The following SH3BGRL2 variants were observed in gnomAD, a reference collection of about 807,000 sequenced individuals.
SH3BGRL2 encodes SH3 domain-binding glutamic acid-rich-like protein 2.
SH3BGRL2 carries 21 observed loss-of-function variants against 14.8 expected under a neutral mutation model. The observed-to-expected ratio is 1.42, with a 90% CI of 1.01 to 2.05. The LOEUF is 2.05. SH3BGRL2 is among the 30% of genes most tolerant of loss of function. The pLI is 0.00. For synonymous variants in SH3BGRL2, 50 were observed against 47.8 expected (o/e 1.05, Z -0.19); for missense variants, 147 against 130.8 (o/e 1.12, Z -0.61).
intron 2 of SH3BGRL2, among the ~76,000 whole-genome samples, chr6:79,683,597 T>C (rs550363575): frequency 3.0e-4 from 46 of 152,144 alleles, no homozygotes; most frequent in South Asian, 4.1e-4. Context: ...TACAGGCGCA[T>C]GCCACCATGC....
At chr6:79,655,523 C>A (rs1769388847) in intron 1 of SH3BGRL2, among the ~76,000 whole-genome samples, 1 of 152,052 alleles carries the variant, frequency 6.6e-6, no homozygotes, top group Non-Finnish European at 1.5e-5. Flanking sequence ...GCTATCACCA[C>A]AATTTAAGAA....
At chr6:79,637,229 T>TA (rs1768942899) in intron 1 of SH3BGRL2, among the ~76,000 whole-genome samples, 1 of 152,208 alleles carries the variant, frequency 6.6e-6, no homozygotes, top group Non-Finnish European at 1.5e-5. Context: ...AGATTTGATG[T>TA]GCTTTTAATC....
intron 1 of SH3BGRL2, among the ~76,000 whole-genome samples, chr6:79,632,937 G>A (rs919264691): frequency 6.6e-6 from 1 of 152,218 alleles, no homozygotes; most frequent in African/African-American, 2.4e-5. Flanking sequence ...TGTCCCAATA[G>A]CATTATATTG....
intron 1 of SH3BGRL2, among the ~76,000 whole-genome samples, chr6:79,656,514 A>G (rs1358316042): frequency 6.6e-6 from 1 of 152,214 alleles, no homozygotes; most frequent in Non-Finnish European, 1.5e-5. Context: ...ATCACAATAC[A>G]TAAAAGGACC....
chr6:79,681,656 A>T (rs1184093123), intron 2 of SH3BGRL2, among the ~76,000 whole-genome samples: 1 of 152,220 alleles, frequency 6.6e-6, no homozygotes. Flanking sequence ...GCCCAAGCAC[A>T]ACTAAGTATA....
At chr6:79,654,003 C>T (rs1167479830) in intron 1 of SH3BGRL2, among the ~76,000 whole-genome samples, 1 of 152,178 alleles carries the variant, frequency 6.6e-6, no homozygotes, top group Non-Finnish European at 1.5e-5. Context: ...GAAGTAAACT[C>T]CATCTCTTGG....
the SH3BGRL2 span, among the ~76,000 whole-genome samples, chr6:79,594,025 CAA>C: frequency 1.5e-5 from 2 of 134,670 alleles, no homozygotes; most frequent in East Asian, 2.3e-4. Flanking sequence ...GACTCTGTCT[CAA>C]AAAAAAAAAA....
chr6:79,579,522 AC>A, the SH3BGRL2 span, among the ~76,000 whole-genome samples: 2 of 152,340 alleles, frequency 1.3e-5, no homozygotes, highest in Non-Finnish European at 2.9e-5. Flanking sequence ...AGAATTTTCA[AC>A]CCAGAATTTC....
At chr6:79,614,094 T>C in the SH3BGRL2 span, among the ~76,000 whole-genome samples, 34 of 152,132 alleles carry the variant, frequency 2.2e-4, no homozygotes, top group African/African-American at 7.9e-4. Context: ...GTCCCTGTAG[T>C]GAGAGAGGAG....
At chr6:79,686,792 C>A (rs1770106572) in intron 2 of SH3BGRL2, among the ~76,000 whole-genome samples, 2 of 152,184 alleles carry the variant, frequency 1.3e-5, no homozygotes, top group East Asian at 1.9e-4. Flanking sequence ...AACTCACAGA[C>A]CTGCTTTCCT....
chr6:79,589,207 T>TA, the SH3BGRL2 span, among the ~76,000 whole-genome samples: 40,051 of 104,108 alleles, frequency 0.38, 5,633 homozygotes, highest in Middle Eastern at 0.57. Flanking sequence ...TATATATATA[T>TA]TTTTTTTTTT....
the SH3BGRL2 span, among the ~76,000 whole-genome samples, chr6:79,586,359 T>C: frequency 6.7e-6 from 1 of 149,970 alleles, no homozygotes; most frequent in African/African-American, 2.4e-5. Flanking sequence ...GAAACACCTC[T>C]GCTCTAAAGA....
intron 1 of SH3BGRL2, among the ~76,000 whole-genome samples, chr6:79,640,670 G>C (rs1158312246): frequency 1.3e-5 from 2 of 151,720 alleles, no homozygotes; most frequent in Non-Finnish European, 1.5e-5. Context: ...TATCCGGCAG[G>C]GTGTGTCTGC....
the SH3BGRL2 span, among the ~76,000 whole-genome samples, chr6:79,557,700 C>A: frequency 6.6e-6 from 1 of 152,148 alleles, no homozygotes; most frequent in Non-Finnish European, 1.5e-5. Context: ...GTAGTGAATA[C>A]GCTTGTTAGG....
In SH3BGRL2 at chr6:79,696,514, A is replaced by G. The variant is rs770153687; in HGVS notation, c.261A>G (p.Glu87=). ...ATGACAGTTTTTTTGAATCCAAGGAAAGCAACACAGTCTTTTCATTTTTAG... is the reference window on the plus strand; with the variant it reads ...ATGACAGTTTTTTTGAATCCAAGGAGAGCAACACAGTCTTTTCATTTTTAG... ...GDYDSFFESK[E]SNTVFSFLGL... Residue 87 remains glutamate (E), a synonymous_variant, in exon 3 of 4, where the codon GAA becomes GAG. Coordinates refer to ENST00000369838, the MANE Select transcript of SH3BGRL2 (RefSeq NM_031469.4). The G allele has an allele frequency of 1.3e-6, 2 of 1,582,274 alleles. No individual in the cohort carries two copies. The highest frequency in any genetic ancestry group is 1.7e-6 in the Non-Finnish European group (2 of 1,171,594).
chr6:79,571,497 GAGGT>G, the SH3BGRL2 span, among the ~76,000 whole-genome samples: 34 of 152,124 alleles, frequency 2.2e-4, no homozygotes, highest in East Asian at 3.9e-3. Context: ...CAGCTTTATT[GAGGT>G]ATAATTGGCA....
the SH3BGRL2 span, among the ~76,000 whole-genome samples, chr6:79,603,209 T>G: frequency 9.2e-5 from 14 of 152,294 alleles, no homozygotes; most frequent in South Asian, 4.1e-4. Flanking sequence ...AGGGTGACTC[T>G]AAGTAAAAAT....
chr6:79,627,232 A>G (rs973084479), upstream of SH3BGRL2, among the ~76,000 whole-genome samples: 1 of 152,190 alleles, frequency 6.6e-6, no homozygotes, highest in Admixed American at 6.5e-5. Context: ...TTTTCTAACT[A>G]TAAATTCCTA....
the SH3BGRL2 span, among the ~76,000 whole-genome samples, chr6:79,569,546 C>G: frequency 1.3e-5 from 2 of 152,022 alleles, no homozygotes; most frequent in African/African-American, 4.8e-5. Flanking sequence ...TTTTGTTAGT[C>G]TTAAGGTCTC....
Sources: gnomAD v4.1 joint callset for allele counts (sites outside exome capture counted in the v4.1 genomes callset) on GRCh38, gnomAD v4.1.1 for gene constraint, MANE v1.5 for transcripts, NCBI Gene and HGNC (gene_info 2026-07-23, HGNC 2026-07-21) for gene names.